The following GTF2A2 variants were observed in gnomAD, a reference collection of about 807,000 sequenced individuals.
GTF2A2 encodes transcription initiation factor IIA subunit 2.
GTF2A2 carries 9 observed loss-of-function variants against 14.3 expected under a neutral mutation model. The ratio of observed to expected loss-of-function variants is 0.63; its 90% confidence interval spans 0.38 to 1.10. The LOEUF is 1.10. GTF2A2 is among the 50% of genes least tolerant of loss of function. The pLI is 0.01. For missense variants in GTF2A2, 90 were observed against 124.6 expected (o/e 0.72, Z 1.32); for synonymous variants, 56 against 46.0 (o/e 1.22, Z -0.88).
At chr15:59,641,062 TA>T (rs1222212411) in intron 4 of GTF2A2, among the ~76,000 whole-genome samples, 1 of 152,082 alleles carries the variant, frequency 6.6e-6, no homozygotes, top group African/African-American at 2.4e-5. Flanking sequence ...ATATAGCTAC[TA>T]AAAATCAGGC....
At chr15:59,649,129 C>A (rs1375457950) in intron 3 of GTF2A2, among the ~76,000 whole-genome samples, 1 of 152,050 alleles carries the variant, frequency 6.6e-6, no homozygotes, top group East Asian at 1.9e-4. Context: ...TTTGTCTTGG[C>A]CATATGCTAC....
chr15:59,650,762 G>A lies in GTF2A2; in HGVS notation c.84C>T (p.Ile28=), dbSNP rs1388451627. The stretch of plus-strand genomic sequence containing the variant: ...GAACTTGAAGGGCAAGTTGGGGGGT[G>A]ATCTGTTGAGACTGAGAAAAGGTAA... ...SLDELIQSQQ[I]TPQLALQVLL... Residue 28 remains isoleucine, a synonymous_variant, in exon 3 of 5, where the codon ATC becomes ATT. Transcript: ENST00000396060. The A allele has an allele frequency of 4.4e-6, 7 of 1,587,346 alleles. No individual in the cohort carries two copies. Among genetic ancestry groups the A allele is most frequent in the Non-Finnish European group, 6.1e-6 (7 of 1,156,186 alleles).
At chr15:59,655,814 T>C (rs1441742038) in intron 1 of GTF2A2, among the ~76,000 whole-genome samples, 1 of 152,184 alleles carries the variant, frequency 6.6e-6, no homozygotes, top group African/African-American at 2.4e-5. Flanking sequence ...GGCAAAACCT[T>C]TGATTTCATC....
intron 1 of GTF2A2, among the ~76,000 whole-genome samples, chr15:59,656,464 CATTAT>C (rs1488262443): frequency 2.6e-5 from 4 of 151,234 alleles, no homozygotes; most frequent in Non-Finnish European, 5.9e-5. Context: ...TTTCTAACAC[CATTAT>C]ATATTTTATT....
At chr15:59,643,595 CTTTTTTT>C (rs34047348) in intron 3 of GTF2A2, among the ~76,000 whole-genome samples, 3 of 109,828 alleles carry the variant, frequency 2.7e-5, no homozygotes, top group Non-Finnish European at 3.7e-5. Flanking sequence ...GAAATTTTTA[CTTTTTTT>C]TTTTTTTTTT....
Position 59,638,886 on chromosome 15 carries a change from T to C in GTF2A2, c.*246A>G. On this transcript the variant is annotated 3_prime_UTR_variant, in exon 5 of 5. Transcript: ENST00000396060. Reference sequence around the variant, plus strand: ...ATTACTCAGAGTTTTAAAATGAGTTTATTAAAGAAGGTTCTTAGGAAGGCA... The same window carrying C: ...ATTACTCAGAGTTTTAAAATGAGTTCATTAAAGAAGGTTCTTAGGAAGGCA... 1 of 406,612 alleles carries C rather than the reference T, an allele frequency of 2.5e-6. No homozygotes were observed. The highest frequency in any genetic ancestry group is 7.0e-4 in the Middle Eastern group (1 of 1,426). The allele number at this position is 406,612 out of a possible 1,614,324, so 25.2% of individuals were successfully genotyped here. A position where few individuals can be genotyped will look rare whatever the true frequency, so the allele number is the denominator to read the frequency against.
At chr15:59,647,371 T>C (rs1277362794) in intron 3 of GTF2A2, among the ~76,000 whole-genome samples, 1 of 152,184 alleles carries the variant, frequency 6.6e-6, no homozygotes, top group Non-Finnish European at 1.5e-5. Flanking sequence ...GGTGCTGGGA[T>C]TACAGGCTTG....
In GTF2A2 at chr15:59,650,774, C is replaced by A. The variant is rs1369923316; in HGVS notation, c.73-1G>T. The stretch of plus-strand genomic sequence containing the variant: ...CAAGTTGGGGGGTGATCTGTTGAGA[C>A]TGAGAAAAGGTAAAGGTCATAAATC... On this transcript the variant is annotated splice_acceptor_variant, in intron 2 of 4. Coordinates refer to ENST00000396060, the MANE Select transcript of GTF2A2 (RefSeq NM_004492.3). LOFTEE classifies it high-confidence loss of function. 6.5e-7 allele frequency: 1 copy of A among 1,541,626 alleles called. No individual in the cohort carries two copies. The highest frequency in any genetic ancestry group is 1.7e-5 in the Admixed American group (1 of 59,586).
intron 3 of GTF2A2, among the ~76,000 whole-genome samples, chr15:59,648,316 A>T (rs985031223): frequency 3.3e-5 from 5 of 151,186 alleles, no homozygotes; most frequent in Admixed American, 2.0e-4. Flanking sequence ...GCTGAGACAG[A>T]AGAATCGCTT....
At chr15:59,650,927 A>C (rs189668266) in intron 2 of GTF2A2, among the ~76,000 whole-genome samples, 154 bp from the exon 3 acceptor site, 2 of 152,356 alleles carry the variant, frequency 1.3e-5, no homozygotes, top group East Asian at 3.9e-4. Flanking sequence ...CTGATGATGA[A>C]GCACCAAGCT....
At chr15:59,645,412 G>A (rs1412681917) in intron 3 of GTF2A2, among the ~76,000 whole-genome samples, 1 of 152,118 alleles carries the variant, frequency 6.6e-6, no homozygotes, top group Non-Finnish European at 1.5e-5. Context: ...GAGAGCAACA[G>A]GCCAGGGAAT....
chr15:59,655,473 C>T (rs1166286401), intron 1 of GTF2A2, among the ~76,000 whole-genome samples: 1 of 152,224 alleles, frequency 6.6e-6, no homozygotes, highest in African/African-American at 2.4e-5. Context: ...CCTCCTCTTT[C>T]GTACAGGATC....
At chr15:59,641,670 T>C (rs1457703907) in intron 4 of GTF2A2, among the ~76,000 whole-genome samples, 1 of 152,220 alleles carries the variant, frequency 6.6e-6, no homozygotes, top group Non-Finnish European at 1.5e-5. Context: ...AAAGTTCACT[T>C]GCACATGTCA....
Position 59,638,887 on chromosome 15 carries a change from ATTAAAGAAGG to A in GTF2A2, c.*235_*244del. 7.3e-6 allele frequency: 3 copies of A among 409,294 alleles called. No homozygotes were observed. Among genetic ancestry groups the A allele is most frequent in the Non-Finnish European group, 1.3e-5 (3 of 225,842 alleles). The allele number at this position is 409,294 out of a possible 1,614,324, so 25.4% of individuals were successfully genotyped here. A position where few individuals can be genotyped will look rare whatever the true frequency, so the allele number is the denominator to read the frequency against. On this transcript the variant is annotated 3_prime_UTR_variant, in exon 5 of 5. Transcript: ENST00000396060. ...TTACTCAGAGTTTTAAAATGAGTTT[ATTAAAGAAGG>A]TTCTTAGGAAGGCAACAACTTTTGT... is the stretch of plus-strand genomic sequence containing the variant.
intron 3 of GTF2A2, among the ~76,000 whole-genome samples, chr15:59,647,195 C>G (rs62015264): frequency 1.7e-3 from 252 of 152,254 alleles, no homozygotes; most frequent in Admixed American, 3.4e-3. Flanking sequence ...TGGGCTCAAG[C>G]TGCCCTCTCA....
intron 1 of GTF2A2, among the ~76,000 whole-genome samples, chr15:59,655,822 A>G (rs1433348668): frequency 6.6e-6 from 1 of 151,846 alleles, no homozygotes; most frequent in Non-Finnish European, 1.5e-5. Flanking sequence ...CTTTGATTTC[A>G]TCCTCCACTC....
At chr15:59,643,787 T>TGAGATG (rs1891513226) in intron 3 of GTF2A2, among the ~76,000 whole-genome samples, 1 of 151,944 alleles carries the variant, frequency 6.6e-6, no homozygotes, top group African/African-American at 2.4e-5. Context: ...TTAGTAGAGA[T>TGAGATG]GGGTTTCACC....
Position 59,639,161 on chromosome 15 carries a change from G to GT in GTF2A2, c.305-5_305-4insA, listed in dbSNP as rs1566921949. ...TCTGTAGTATTGGAGCCAGTATCTA[G>GT]GAAACAAAAGAGAAAGTAAAGTAAA... On this transcript the variant is annotated splice_polypyrimidine_tract_variant and splice_region_variant and intron_variant, in intron 4 of 4. Coordinates refer to ENST00000396060, the MANE Select transcript of GTF2A2 (RefSeq NM_004492.3). 1 of 1,444,424 alleles carries GT rather than the reference G, an allele frequency of 6.9e-7. No homozygotes were observed. The highest frequency in any genetic ancestry group is 9.7e-7 in the Non-Finnish European group (1 of 1,029,432). 89.5% of individuals were successfully genotyped at this position (1,444,424 alleles called of 1,614,324 possible).
intron 3 of GTF2A2, among the ~76,000 whole-genome samples, chr15:59,648,146 C>T (rs1263105752): frequency 3.3e-5 from 5 of 152,002 alleles, no homozygotes; most frequent in African/African-American, 7.3e-5. Flanking sequence ...CGGTACCTCA[C>T]GCCTGTAATT....
Sources: allele counts gnomAD v4.1 joint callset (sites outside exome capture counted in the v4.1 genomes callset), GRCh38; gene constraint gnomAD v4.1.1; transcripts MANE v1.5; gene names NCBI Gene and HGNC (gene_info 2026-07-23, HGNC 2026-07-21).